The following RP1 variants were observed in gnomAD, a reference collection of about 807,000 sequenced individuals.
RP1 encodes the protein oxygen-regulated protein 1.
In RP1, 16 loss-of-function variants were observed where a neutral mutation model predicts 14.8. That is an observed-to-expected ratio of 1.08 (90% CI 0.73 to 1.65). RP1 has a LOEUF of 1.65. RP1 is among the 40% of genes most tolerant of loss of function. RP1 has a pLI of 0.00. For synonymous variants in RP1, 876 were observed against 883.6 expected (o/e 0.99, Z 0.15); for missense variants, 2,631 against 2,535.0 (o/e 1.04, Z -0.81).
At chr8:54,648,856 CTTT>C in intron 3 of RP1, 2 of 537,892 alleles carry the variant, frequency 3.7e-6, no homozygotes, top group Non-Finnish European at 6.0e-6. Flanking sequence ...TGTTATGGCA[CTTT>C]TTCAGAGGAG....
At chr8:54,657,010 G>T (rs1045236156) in intron 6 of RP1, among the ~76,000 whole-genome samples, 1 of 152,054 alleles carries the variant, frequency 6.6e-6, no homozygotes, top group Non-Finnish European at 1.5e-5. Context: ...GTAAACATTT[G>T]CACAGATTGA....
intron 4 of RP1, among the ~76,000 whole-genome samples, chr8:54,649,739 A>G (rs886919490): frequency 3.9e-5 from 6 of 152,226 alleles, no homozygotes; most frequent in African/African-American, 9.6e-5. Context: ...GATGCACAGA[A>G]GGATTGGTTT....
intron 24 of RP1, among the ~76,000 whole-genome samples, chr8:54,792,887 G>T (rs900317278): frequency 6.6e-6 from 1 of 151,584 alleles, no homozygotes; most frequent in African/African-American, 2.4e-5. Context: ...CAATAGAAAA[G>T]ATCAATAAAA....
At chr8:54,693,884 C>T (rs1807783902) in intron 12 of RP1, among the ~76,000 whole-genome samples, 1 of 152,252 alleles carries the variant, frequency 6.6e-6, no homozygotes, top group South Asian at 2.1e-4. Context: ...ACAGGGCATC[C>T]CTGTCTCGTG....
At chr8:54,582,505 T>G (rs1271407908) in intron 1 of RP1, among the ~76,000 whole-genome samples, 1 of 151,104 alleles carries the variant, frequency 6.6e-6, no homozygotes, top group African/African-American at 2.4e-5. Flanking sequence ...TGGTTCCATA[T>G]GAACTTAAAA....
intron 1 of RP1, among the ~76,000 whole-genome samples, chr8:54,559,638 G>A (rs927804972): frequency 6.6e-6 from 1 of 152,164 alleles, no homozygotes; most frequent in African/African-American, 2.4e-5. Flanking sequence ...GCCTGTACAC[G>A]TGGGCCATGT....
intron 25 of RP1, among the ~76,000 whole-genome samples, chr8:54,843,411 A>G (rs1203861163): frequency 6.6e-6 from 1 of 152,002 alleles, no homozygotes; most frequent in Non-Finnish European, 1.5e-5. Flanking sequence ...ACAATCAGAT[A>G]TGTACGTTCA....
At chr8:54,598,147 T>C (rs191317021) in intron 1 of RP1, among the ~76,000 whole-genome samples, 12 of 152,336 alleles carry the variant, frequency 7.9e-5, no homozygotes, top group African/African-American at 2.9e-4. Flanking sequence ...AACGTAATTA[T>C]TGATATTCTA....
In RP1 at chr8:54,710,057, G is replaced by T. The variant is rs187248349; in HGVS notation, c.2211+3402G>T. Among the ~76,000 whole-genome samples, 14 of 152,222 alleles carry T rather than the reference G, an allele frequency of 9.2e-5. No homozygotes were observed. In the East Asian group the frequency reaches 1.6e-3, roughly 17 times the overall value. ...GATCCAGGCCCTGACGCCTAACCCT[G>T]GCAGTGGGCTGTGACCTCTAGGGGT... On this transcript the variant is annotated intron_variant, in intron 15 of 22. Coordinates refer to the RP1 transcript ENST00000636932.
downstream of RP1, among the ~76,000 whole-genome samples, chr8:54,774,377 C>G (rs932978952): frequency 6.6e-6 from 1 of 152,096 alleles, no homozygotes; most frequent in Non-Finnish European, 1.5e-5. Context: ...ACATACAGAG[C>G]CTGAAACTAG....
At chr8:54,699,542 C>A (rs1314994328) in exon 13 of RP1, 2 of 1,399,164 alleles carry the variant, frequency 1.4e-6, no homozygotes, top group Admixed American at 2.2e-5. Context: ...CTTTCTCTTG[C>A]TCTTGACAAT....
chr8:54,687,359 G>A (rs371288701), intron 12 of RP1, among the ~76,000 whole-genome samples: 2 of 152,002 alleles, frequency 1.3e-5, no homozygotes, highest in African/African-American at 2.4e-5. Context: ...TGTGCAGAAC[G>A]TGCAGGTTTG....
intron 22 of RP1, chr8:54,769,598 A>G (rs1585676608): frequency 1.6e-6 from 1 of 623,298 alleles, no homozygotes; most frequent in East Asian, 2.7e-5. Context: ...GTGTTTGACT[A>G]TATAAAAAGC....
intron 24 of RP1, among the ~76,000 whole-genome samples, chr8:54,836,868 TC>T (rs1811669093): frequency 6.6e-6 from 1 of 152,118 alleles, no homozygotes; most frequent in Non-Finnish European, 1.5e-5. Flanking sequence ...CAATTTTTTT[TC>T]ATATGACCCC....
At position 54,627,736 on chromosome 8, in the gene RP1, G is replaced by A. The variant is rs1246740240; in HGVS notation, c.3854G>A (p.Gly1285Asp). The A allele has an allele frequency of 5.0e-6, 8 of 1,614,114 alleles. No homozygotes were observed. Among genetic ancestry groups the A allele is most frequent in the Non-Finnish European group, 5.9e-6 (7 of 1,179,962 alleles). ...NPSDTFFPSDGYGVDQTSMNK... is the reference protein window; with the variant it reads ...NPSDTFFPSDDYGVDQTSMNK... ...AGTGACACTTTTTTTCCTAGTGATGGTTATGGTGTGGATCAGACTTCTATG... is the reference window on the plus strand; with the variant it reads ...AGTGACACTTTTTTTCCTAGTGATGATTATGGTGTGGATCAGACTTCTATG... The change falls in exon 4 of 4, where the codon GGT becomes GAT. Residue 1285 changes from glycine (G) to aspartate (D), a missense_variant. Transcript: ENST00000220676.
chr8:54,739,052 T>A (rs1339647535), intron 19 of RP1: 8 of 1,486,542 alleles, frequency 5.4e-6, no homozygotes, highest in Non-Finnish European at 6.3e-6. Context: ...CTTATTTTTT[T>A]CTTCATAGTT....
At chr8:54,661,586 T>C (rs756220221) in intron 6 of RP1, among the ~76,000 whole-genome samples, 4 of 152,078 alleles carry the variant, frequency 2.6e-5, no homozygotes, top group African/African-American at 4.8e-5. Flanking sequence ...ACCTTCTGCA[T>C]GAGCTGAGGA....
chr8:54,678,591 T>C (rs999571759), intron 9 of RP1: 20 of 1,423,644 alleles, frequency 1.4e-5, no homozygotes, highest in Non-Finnish European at 1.9e-5. Context: ...GTTCCAAGTT[T>C]GTGCATTGAG....
At chr8:54,857,068 T>C (rs937584517) in exon 27 of RP1, 99 of 1,222,692 alleles carry the variant, frequency 8.1e-5, no homozygotes, top group Non-Finnish European at 9.9e-5. Context: ...CTCGGAAAAT[T>C]GAAGAAAGTT....
Sources: gnomAD v4.1 joint callset for allele counts (sites outside exome capture counted in the v4.1 genomes callset) on GRCh38, gnomAD v4.1.1 for gene constraint, MANE v1.5 for transcripts, NCBI Gene and HGNC (gene_info 2026-07-23, HGNC 2026-07-21) for gene names.